Variants in MEMO1 observed in about 807,000 individuals in gnomAD.
The protein encoded by MEMO1 is mediator of cell motility 1.
MEMO1 carries 6 observed loss-of-function variants against 45.2 expected under a neutral mutation model. That is an observed-to-expected ratio of 0.13 (90% CI 0.07 to 0.26). MEMO1 has a LOEUF of 0.26. MEMO1 is among the 10% of genes least tolerant of loss of function. The pLI, the probability that MEMO1 is intolerant of heterozygous loss-of-function variation, is 1.00. For synonymous variants in MEMO1, 78 were observed against 124.3 expected (o/e 0.63, Z 2.48); for missense variants, 184 against 370.5 (o/e 0.50, Z 4.13).
intron 2 of MEMO1, chr2:31,963,382 G>A: frequency 9.1e-7 from 1 of 1,099,964 alleles, no homozygotes; most frequent in Non-Finnish European, 1.2e-6. Flanking sequence ...GAAGGACACT[G>A]ACTAATACTC....
chr2:31,983,423 A>T (rs1435852270), intron 2 of MEMO1, among the ~76,000 whole-genome samples: 3 of 152,040 alleles, frequency 2.0e-5, no homozygotes, highest in Non-Finnish European at 4.4e-5. Flanking sequence ...CAATGCCCAA[A>T]TCTTAGTTTT....
chr2:31,947,546 A>G (rs1343702767), intron 2 of MEMO1, among the ~76,000 whole-genome samples: 1 of 152,218 alleles, frequency 6.6e-6, no homozygotes, highest in African/African-American at 2.4e-5. Context: ...TGATAAATGG[A>G]AAAAGAAAAA....
intron 3 of MEMO1, among the ~76,000 whole-genome samples, chr2:31,934,702 A>G (rs1558515458): frequency 6.6e-6 from 1 of 152,188 alleles, no homozygotes; most frequent in African/African-American, 2.4e-5. Context: ...GCTTGATAAA[A>G]CAAGATTCTG....
At chr2:31,968,702 C>T (rs1004610679) in intron 2 of MEMO1, among the ~76,000 whole-genome samples, 1 of 152,154 alleles carries the variant, frequency 6.6e-6, no homozygotes, top group African/African-American at 2.4e-5. Flanking sequence ...CCCGAAAATT[C>T]CTAACATATA....
intron 4 of MEMO1, among the ~76,000 whole-genome samples, chr2:31,926,143 G>A (rs1262122911): frequency 6.6e-6 from 1 of 152,056 alleles, no homozygotes; most frequent in Admixed American, 6.6e-5. Context: ...GAGGTGGGAG[G>A]ACAGCTTGAG....
At chr2:31,942,220 C>T (rs1311931355) in intron 3 of MEMO1, among the ~76,000 whole-genome samples, 1 of 152,082 alleles carries the variant, frequency 6.6e-6, no homozygotes, top group Non-Finnish European at 1.5e-5. Context: ...ACAAAATAAT[C>T]AGATTTTCTC....
chr2:31,938,572 C>T (rs1020747967), intron 3 of MEMO1, among the ~76,000 whole-genome samples: 8 of 151,738 alleles, frequency 5.3e-5, no homozygotes, highest in African/African-American at 2.4e-5. Context: ...GGCGTGAACC[C>T]GGCAGGTGGA....
In MEMO1 at chr2:31,898,111, CTTT is replaced by C. The variant is rs532505104; in HGVS notation, c.438-5980_438-5978del. Among the ~76,000 whole-genome samples, 656 of 151,880 alleles carry C rather than the reference CTTT, an allele frequency of 4.3e-3. 8 individuals carry two copies. Among genetic ancestry groups the C allele is most frequent in the African/African-American group, 0.015 (634 of 41,506 alleles). On this transcript the variant is annotated intron_variant, in intron 6 of 9. Transcript: ENST00000404530. ...CTCTTTGATTCTTCTCTCTTTTCTT[CTTT>C]ATTAGTCTGGCTAGTGGTCTATCTG...
At chr2:31,871,808 G>A (rs1673795038) in intron 8 of MEMO1, among the ~76,000 whole-genome samples, 1 of 152,108 alleles carries the variant, frequency 6.6e-6, no homozygotes, top group African/African-American at 2.4e-5. Context: ...GAGGTCAGGA[G>A]TTTGAGACCA....
chr2:31,910,396 AATTG>A, intron 6 of MEMO1, among the ~76,000 whole-genome samples: 1 of 152,334 alleles, frequency 6.6e-6, no homozygotes, highest in South Asian at 2.1e-4. Flanking sequence ...TCTTATTCTT[AATTG>A]ATCTAACAAA....
At chr2:31,953,303 G>A (rs1667037994) in intron 2 of MEMO1, among the ~76,000 whole-genome samples, 1 of 146,902 alleles carries the variant, frequency 6.8e-6, no homozygotes. Flanking sequence ...GGAGGCAGAG[G>A]TTGCAGTGGG....
At chr2:31,901,374 C>CAAAAAA (rs70964738) in intron 6 of MEMO1, among the ~76,000 whole-genome samples, 2 of 22,688 alleles carry the variant, frequency 8.8e-5, no homozygotes, top group African/African-American at 1.3e-4. Flanking sequence ...CTCTGTCTCA[C>CAAAAAA]AAAAAAAAAA....
intron 2 of MEMO1, among the ~76,000 whole-genome samples, chr2:31,999,444 C>T (rs1253317180): frequency 2.0e-5 from 3 of 152,250 alleles, no homozygotes; most frequent in South Asian, 4.1e-4. Context: ...AGGAAGATTG[C>T]TTCAGTCCAC....
chr2:31,895,519 C>G (rs1366137762), intron 6 of MEMO1, among the ~76,000 whole-genome samples: 1 of 152,010 alleles, frequency 6.6e-6, no homozygotes, highest in Non-Finnish European at 1.5e-5. Context: ...GTCTGAAGAG[C>G]AGATTTGATA....
chr2:31,971,125 T>C (rs1429464797), intron 2 of MEMO1, among the ~76,000 whole-genome samples: 2 of 152,252 alleles, frequency 1.3e-5, no homozygotes, highest in African/African-American at 4.8e-5. Context: ...AATTTACTCA[T>C]TGATGCATTC....
intron 7 of MEMO1, among the ~76,000 whole-genome samples, chr2:31,887,543 C>T (rs548990705): frequency 6.0e-4 from 91 of 152,196 alleles, no homozygotes; most frequent in African/African-American, 2.1e-3. Flanking sequence ...AGGACCCAAC[C>T]TGGGGACATT....
At chr2:31,967,128 T>A (rs1027698787) in intron 2 of MEMO1, among the ~76,000 whole-genome samples, 21 of 150,474 alleles carry the variant, frequency 1.4e-4, no homozygotes, top group African/African-American at 5.1e-4. Flanking sequence ...TATTTTATTT[T>A]TTTTTTTTTT....
intron 2 of MEMO1, 90 bp from the exon 3 acceptor site, chr2:31,943,473 G>A: frequency 1.1e-6 from 1 of 904,588 alleles, no homozygotes; most frequent in Non-Finnish European, 1.8e-6. Flanking sequence ...GAACTTATGT[G>A]GGACTAAACT....
At chr2:31,928,619 G>C (rs1300469265) in intron 4 of MEMO1, among the ~76,000 whole-genome samples, 1 of 150,544 alleles carries the variant, frequency 6.6e-6, no homozygotes, top group African/African-American at 2.4e-5. Flanking sequence ...ATAAATCAAA[G>C]AATCATTCTG....
Sources: gnomAD v4.1 joint callset for allele counts (sites outside exome capture counted in the v4.1 genomes callset) on GRCh38, gnomAD v4.1.1 for gene constraint, MANE v1.5 for transcripts, NCBI Gene and HGNC (gene_info 2026-07-23, HGNC 2026-07-21) for gene names.